DNAH14: variants seen among roughly 807,000 people sequenced by gnomAD.
DNAH14 encodes the protein axonemal beta dynein heavy chain 14.
A neutral mutation model predicts 520.9 loss-of-function variants in DNAH14; 478 were observed. The ratio of observed to expected loss-of-function variants is 0.92; its 90% CI spans 0.85 to 0.99. DNAH14 has a LOEUF of 0.99. DNAH14 is among the 50% of genes least tolerant of loss of function. The probability of loss-of-function intolerance (pLI) is 0.00; values close to 1 mark genes in which losing one functional copy is unlikely to be tolerated. For synonymous variants in DNAH14, 1,581 were observed against 1,757.2 expected (o/e 0.90, Z 2.51); for missense variants, 4,831 against 5,234.5 (o/e 0.92, Z 2.38).
At chr1:225,204,712 G>A (rs1335489631) in intron 39 of DNAH14, among the ~76,000 whole-genome samples, 1 of 152,168 alleles carries the variant, frequency 6.6e-6, no homozygotes, top group Admixed American at 6.5e-5. Context: ...ACTTTACTAT[G>A]TGCCAGTGGG....
chr1:225,071,115 G>T (rs541100183), intron 17 of DNAH14, among the ~76,000 whole-genome samples: 90 of 152,196 alleles, frequency 5.9e-4, no homozygotes, highest in African/African-American at 2.0e-3. Context: ...CATACCAATG[G>T]GTCTTGACTC....
At chr1:225,282,499 T>G (rs917982109) in intron 54 of DNAH14, among the ~76,000 whole-genome samples, 2 of 152,210 alleles carry the variant, frequency 1.3e-5, no homozygotes, top group Non-Finnish European at 2.9e-5. Context: ...GAGGCAAGTA[T>G]TCAATGTTAA....
intron 26 of DNAH14, among the ~76,000 whole-genome samples, chr1:225,121,074 T>G (rs1437617782): frequency 6.6e-6 from 1 of 152,208 alleles, no homozygotes; most frequent in Non-Finnish European, 1.5e-5. Flanking sequence ...ACTAAAGATA[T>G]TTCATCCTAT....
At chr1:225,047,517 G>A (rs1375158836) in intron 15 of DNAH14, among the ~76,000 whole-genome samples, 1 of 152,038 alleles carries the variant, frequency 6.6e-6, no homozygotes, top group African/African-American at 2.4e-5. Context: ...TTGTAGCTAG[G>A]GCAACAGGGT....
chr1:224,936,088 G>A (rs2059014411), intron 1 of DNAH14, among the ~76,000 whole-genome samples: 1 of 151,670 alleles, frequency 6.6e-6, no homozygotes, highest in Non-Finnish European at 1.5e-5. Flanking sequence ...GAATTTTATA[G>A]CAATGAATAC....
intron 17 of DNAH14, among the ~76,000 whole-genome samples, chr1:225,055,112 C>A (rs1295057601): frequency 6.6e-6 from 1 of 151,414 alleles, no homozygotes; most frequent in African/African-American, 2.4e-5. Context: ...TGATGATAAT[C>A]TTCCCTCTCC....
At chr1:224,942,514 TG>T (rs745809821) in intron 1 of DNAH14, among the ~76,000 whole-genome samples, 4 of 152,204 alleles carry the variant, frequency 2.6e-5, no homozygotes, top group Non-Finnish European at 5.9e-5. Context: ...TCTGCCTGAT[TG>T]CCCTGGCCAG....
At chr1:225,281,754 T>C (rs2149922758) in intron 54 of DNAH14, among the ~76,000 whole-genome samples, 1 of 152,260 alleles carries the variant, frequency 6.6e-6, no homozygotes, top group East Asian at 1.9e-4. Context: ...AAGAAAACTG[T>C]CTATATTTTA....
At chr1:225,022,922 C>T (rs944406004) in intron 10 of DNAH14, among the ~76,000 whole-genome samples, 1 of 152,072 alleles carries the variant, frequency 6.6e-6, no homozygotes, top group African/African-American at 2.4e-5. Context: ...ATGAAAAGAA[C>T]GATATCATGT....
intron 38 of DNAH14, among the ~76,000 whole-genome samples, chr1:225,195,958 A>T (rs745948264): frequency 2.6e-5 from 4 of 152,084 alleles, no homozygotes; most frequent in Non-Finnish European, 4.4e-5. Flanking sequence ...AAAAAATAAA[A>T]TATGTATAAC....
intron 10 of DNAH14, among the ~76,000 whole-genome samples, chr1:225,020,118 T>A (rs1364653042): frequency 6.6e-6 from 1 of 151,744 alleles, no homozygotes; most frequent in African/African-American, 2.4e-5. Context: ...GTGCCTAGAT[T>A]TATAAGGAAA....
At chr1:225,391,418 G>T (rs1458227080) in intron 83 of DNAH14, among the ~76,000 whole-genome samples, 1 of 152,186 alleles carries the variant, frequency 6.6e-6, no homozygotes, top group Non-Finnish European at 1.5e-5. Flanking sequence ...GCTGCAGTGA[G>T]CCATGATCAT....
Position 225,330,871 on chromosome 1 carries a change from T to A in DNAH14, c.9724-566T>A, listed in dbSNP as rs1300366680. Among the ~76,000 whole-genome samples, 5 of 152,200 alleles carry A rather than the reference T, an allele frequency of 3.3e-5. No individual in the cohort carries two copies. The East Asian group carries it at 7.7e-4, about 23-fold the overall frequency. ...GGATACCCCATTCTCCATGATGTGA[T>A]GATTACACATTGCATGCCTGTATCA... On this transcript the variant is annotated intron_variant, in intron 64 of 85. Coordinates refer to ENST00000682510, the MANE Select transcript of DNAH14 (RefSeq NM_001367479.1).
chr1:225,397,206 T>A (rs962298506), intron 84 of DNAH14: 1 of 152,166 alleles, frequency 6.6e-6, no homozygotes. Flanking sequence ...CTCGATCTCC[T>A]GACCTCGTGA....
At chr1:225,335,556 T>A (rs1558431776) in intron 66 of DNAH14, among the ~76,000 whole-genome samples, 1 of 149,898 alleles carries the variant, frequency 6.7e-6, no homozygotes, top group Non-Finnish European at 1.5e-5. Flanking sequence ...TATATACATA[T>A]GTACATCTAT....
intron 43 of DNAH14, among the ~76,000 whole-genome samples, chr1:225,245,884 A>T (rs1479327788): frequency 6.6e-6 from 1 of 152,184 alleles, no homozygotes; most frequent in Non-Finnish European, 1.5e-5. Flanking sequence ...TTTAAATTTC[A>T]TATGGAACCA....
Position 225,368,241 on chromosome 1 carries a change from A to G in DNAH14, c.12318+209A>G, listed in dbSNP as rs538275439. ...TTGCAGCTCCACCACTTATAGCTGT[A>G]TAAGTACGTAATCTATTGGGCAAAC... On this transcript the variant is annotated intron_variant, in intron 77 of 85. Coordinates refer to ENST00000682510, the MANE Select transcript of DNAH14 (RefSeq NM_001367479.1). 3.3e-5 allele frequency among the ~76,000 whole-genome samples: 5 copies of G among 152,350 alleles called. No individual in the cohort carries two copies. In the South Asian group the frequency reaches 6.2e-4, roughly 19 times the overall value.
rs537464705 is a variant in DNAH14 at position 225,056,573 on chromosome 1, G to A, written c.2424+4778G>A. Among the ~76,000 whole-genome samples the A allele has an allele frequency of 1.2e-3, 187 of 152,246 alleles. 2 individuals are homozygous for A. The highest frequency in any genetic ancestry group is 6.8e-3 in the Middle Eastern group (2 of 294). On this transcript the variant is annotated intron_variant, in intron 17 of 85. Coordinates refer to ENST00000682510, the MANE Select transcript of DNAH14 (RefSeq NM_001367479.1). ...GTCAATTTTGGCTTCTGTTGCCATC[G>A]CTTTTGGTGTTTTAGATATGAAGTC...
At position 225,185,355 on chromosome 1, in the gene DNAH14, T is replaced by C; in HGVS notation, c.5600T>C (p.Leu1867Ser). Residue 1867 changes from leucine (L) to serine (S), a missense_variant, in exon 37 of 86, where the codon TTG (leucine) becomes TCG (serine). Transcript: ENST00000682510. ...GGAAAGACAACAGTCAGAAGAATTTTGGAAAAAGCATTAACGCTATTACCA... is the reference window on the plus strand; with the variant it reads ...GGAAAGACAACAGTCAGAAGAATTTCGGAAAAAGCATTAACGCTATTACCA... ...GGGKTTVRRI[L>S]EKALTLLPIA... The C allele has an allele frequency of 6.5e-7, 1 of 1,548,286 alleles. No homozygotes were observed. The highest frequency in any genetic ancestry group is 1.2e-5 in the South Asian group (1 of 83,408).
Sources: gnomAD v4.1 joint callset for allele counts (sites outside exome capture counted in the v4.1 genomes callset) on GRCh38, gnomAD v4.1.1 for gene constraint, MANE v1.5 for transcripts, NCBI Gene and HGNC (gene_info 2026-07-23, HGNC 2026-07-21) for gene names.